Variants in CCSER1 observed in about 807,000 individuals in gnomAD.
The protein encoded by CCSER1 is coiled-coil serine rich protein 1, also known as serine-rich coiled-coil domain-containing protein 1.
Under a neutral mutation model 82.0 loss-of-function variants are expected in CCSER1, and 41 were observed. The ratio of observed to expected loss-of-function variants is 0.50; its 90% CI spans 0.39 to 0.65. The LOEUF is 0.65. Among genes scored for constraint, CCSER1 ranks in the 30% least tolerant of loss-of-function variants. CCSER1 has a pLI of 0.00. For synonymous variants in CCSER1, 414 were observed against 383.9 expected (o/e 1.08, Z -0.92); for missense variants, 1,119 against 1,064.2 (o/e 1.05, Z -0.72).
intron 1 of CCSER1, among the ~76,000 whole-genome samples, chr4:90,275,691 G>T (rs1727414014): frequency 6.6e-6 from 1 of 152,144 alleles, no homozygotes; most frequent in Non-Finnish European, 1.5e-5. Context: ...GTCTAAATTT[G>T]CTATTAGAAA....
intron 3 of CCSER1, among the ~76,000 whole-genome samples, chr4:90,362,630 G>A (rs1370643235): frequency 6.6e-6 from 1 of 152,106 alleles, no homozygotes; most frequent in Non-Finnish European, 1.5e-5. Context: ...CCCACATGCT[G>A]CCTGAATATT....
At chr4:90,719,956 TATTTATTTGTTG>T (rs1433139545) in intron 6 of CCSER1, among the ~76,000 whole-genome samples, 2 of 152,206 alleles carry the variant, frequency 1.3e-5, no homozygotes, top group African/African-American at 4.8e-5. Context: ...TTGTCTCGTC[TATTTATTTGTTG>T]ATTTGGAATT....
intron 10 of CCSER1, among the ~76,000 whole-genome samples, chr4:91,183,577 T>C (rs1734246898): frequency 6.6e-6 from 1 of 152,092 alleles, no homozygotes; most frequent in African/African-American, 2.4e-5. Flanking sequence ...CCATGTAATT[T>C]AACAATCCGA....
chr4:91,013,181 A>G (rs1739138667), intron 9 of CCSER1, among the ~76,000 whole-genome samples: 1 of 134,092 alleles, frequency 7.5e-6, no homozygotes, highest in African/African-American at 2.5e-5. Flanking sequence ...TCTCTTTTCC[A>G]GGAGTTTTTT....
At chr4:90,640,992 G>A (rs1394407081) in intron 6 of CCSER1, among the ~76,000 whole-genome samples, 3 of 151,990 alleles carry the variant, frequency 2.0e-5, no homozygotes, top group Admixed American at 2.0e-4. Context: ...CAATTACTAG[G>A]TGCATATGAT....
rs575260132 is a variant in CCSER1 at position 90,683,420 on chromosome 4, C to T, written c.1933-40494C>T. Among the ~76,000 whole-genome samples, 5 of 152,110 alleles carry T rather than the reference C, an allele frequency of 3.3e-5. No homozygotes were observed. In the South Asian group the frequency reaches 1.0e-3, roughly 32 times the overall value. ...CTTAAGTTAATCCATCTTATATACCCTCTATAAATCATAATCTAGTTAAAT... is the reference window on the plus strand; with the variant it reads ...CTTAAGTTAATCCATCTTATATACCTTCTATAAATCATAATCTAGTTAAAT... On this transcript the variant is annotated intron_variant, in intron 6 of 10. Transcript: ENST00000509176.
intron 10 of CCSER1, among the ~76,000 whole-genome samples, chr4:91,289,500 T>C (rs950561694): frequency 2.0e-5 from 3 of 152,074 alleles, no homozygotes; most frequent in African/African-American, 7.2e-5. Flanking sequence ...GTCTAATTAC[T>C]GAGTTAGAGC....
chr4:91,596,675 C>A (rs1578887839), intron 10 of CCSER1, among the ~76,000 whole-genome samples: 1 of 152,072 alleles, frequency 6.6e-6, no homozygotes, highest in African/African-American at 2.4e-5. Flanking sequence ...ATTCCTTTTA[C>A]TCCTAAAAAG....
intron 1 of CCSER1, among the ~76,000 whole-genome samples, chr4:90,250,040 T>A (rs1162311832): frequency 1.3e-5 from 2 of 152,120 alleles, no homozygotes; most frequent in Non-Finnish European, 2.9e-5. Context: ...TTATATATCT[T>A]CTTTGCATAA....
chr4:90,411,163 A>C (rs2153554508), intron 4 of CCSER1, among the ~76,000 whole-genome samples: 1 of 152,354 alleles, frequency 6.6e-6, no homozygotes, highest in South Asian at 2.1e-4. Flanking sequence ...GTCCAGGACC[A>C]GATGGATTCA....
intron 10 of CCSER1, among the ~76,000 whole-genome samples, chr4:91,526,579 A>G (rs1760775248): frequency 6.6e-6 from 1 of 151,904 alleles, no homozygotes; most frequent in Non-Finnish European, 1.5e-5. Context: ...AATAATATCC[A>G]CCCTTTTCTT....
At chr4:91,216,945 G>T (rs1008140765) in intron 10 of CCSER1, among the ~76,000 whole-genome samples, 2 of 152,152 alleles carry the variant, frequency 1.3e-5, no homozygotes, top group Admixed American at 1.3e-4. Context: ...GGGGTATTGT[G>T]TCCGGAATTG....
Position 90,403,712 on chromosome 4 carries a change from A to G in CCSER1, c.1603+3583A>G, listed in dbSNP as rs1001665286. On this transcript the variant is annotated intron_variant, in intron 4 of 10. Coordinates refer to ENST00000509176, the MANE Select transcript of CCSER1 (RefSeq NM_001145065.2). ...AAATCATTAAAGGGGTTGAAAAAAT[A>G]CTTCTTAAAGACAATGCATATGAAT... 2.0e-4 allele frequency among the ~76,000 whole-genome samples: 31 copies of G among 152,290 alleles called. No homozygotes were observed. The Middle Eastern group carries it at 0.01, about 50-fold the overall frequency.
chr4:90,814,189 G>C (rs1758709562), intron 7 of CCSER1, among the ~76,000 whole-genome samples: 1 of 152,194 alleles, frequency 6.6e-6, no homozygotes, highest in South Asian at 2.1e-4. Context: ...ACTGGAGCTA[G>C]AGCAGCTGGG....
At chr4:90,385,236 G>GTAGAT (rs1476040562) in intron 3 of CCSER1, among the ~76,000 whole-genome samples, 1 of 152,068 alleles carries the variant, frequency 6.6e-6, no homozygotes, top group Non-Finnish European at 1.5e-5. Context: ...TTTTCTTTGT[G>GTAGAT]TAGATACCCA....
chr4:91,602,558 A>G lies in CCSER1; in HGVS notation c.*3501A>G, dbSNP rs1473763786. On this transcript the variant is annotated 3_prime_UTR_variant, in exon 11 of 11. Coordinates refer to ENST00000509176, the MANE Select transcript of CCSER1 (RefSeq NM_001145065.2). ...CATCATCAGCTTCTCATTATAAAGA[A>G]ATAGTAACCCATAGCAGTGGATAAT... 6.6e-6 allele frequency among the ~76,000 whole-genome samples: 1 copy of G among 152,078 alleles called. No homozygotes were observed. The highest frequency in any genetic ancestry group is 1.5e-5 in the Non-Finnish European group (1 of 67,946).
chr4:90,197,299 T>A (rs1161183593), intron 1 of CCSER1, among the ~76,000 whole-genome samples: 3 of 152,076 alleles, frequency 2.0e-5, no homozygotes, highest in Non-Finnish European at 4.4e-5. Context: ...CAGAAATCCA[T>A]CTTTTTTGGA....
At chr4:91,028,691 C>T (rs944047735) in intron 9 of CCSER1, among the ~76,000 whole-genome samples, 3 of 149,010 alleles carry the variant, frequency 2.0e-5, no homozygotes, top group Admixed American at 6.8e-5. Flanking sequence ...TTAACAGTTC[C>T]TTGATTATTC....
At chr4:91,027,365 G>GT (rs1358495690) in intron 9 of CCSER1, among the ~76,000 whole-genome samples, 6 of 129,448 alleles carry the variant, frequency 4.6e-5, no homozygotes, top group Admixed American at 8.0e-5. Context: ...TAGTTAATTG[G>GT]GTTTTTTTTT....
Sources: allele counts gnomAD v4.1 joint callset (sites outside exome capture counted in the v4.1 genomes callset), GRCh38; gene constraint gnomAD v4.1.1; transcripts MANE v1.5; gene names NCBI Gene and HGNC (gene_info 2026-07-23, HGNC 2026-07-21).